The following EPM2A variants were observed in gnomAD, a reference collection of about 807,000 sequenced individuals.
EPM2A encodes the protein laforin.
EPM2A carries 21 observed loss-of-function variants against 26.5 expected under a neutral mutation model. The ratio of observed to expected loss-of-function variants is 0.79; its 90% CI spans 0.56 to 1.14. The LOEUF is 1.14. EPM2A is among the 50% of genes most tolerant of loss of function. The probability of loss-of-function intolerance (pLI) is 0.00; values close to 1 mark genes in which losing one functional copy is unlikely to be tolerated. For synonymous variants in EPM2A, 217 were observed against 177.6 expected, an observed-to-expected ratio of 1.22 and a Z score of -1.76; for missense variants, 458 against 440.8, an observed-to-expected ratio of 1.04 and a Z score of -0.35.
At chr6:145,553,614 A>T (rs919954814) in intron 2 of EPM2A, among the ~76,000 whole-genome samples, 3 of 151,886 alleles carry the variant, frequency 2.0e-5, no homozygotes, top group South Asian at 2.1e-4. Context: ...CTGCTCATCA[A>T]TCAGAGCTAG....
intron 4 of EPM2A, among the ~76,000 whole-genome samples, chr6:145,429,262 T>C (rs1778891073): frequency 6.6e-6 from 1 of 152,212 alleles, no homozygotes; most frequent in Non-Finnish European, 1.5e-5. Flanking sequence ...TTTCATATTA[T>C]ACTTATTTTA....
intron 2 of EPM2A, among the ~76,000 whole-genome samples, chr6:145,519,642 G>A (rs1780177480): frequency 6.6e-6 from 1 of 152,152 alleles, no homozygotes; most frequent in African/African-American, 2.4e-5. Context: ...ACCACAGAGG[G>A]GAGCCACAGT....
intron 1 of EPM2A, among the ~76,000 whole-genome samples, chr6:145,690,049 A>G (rs536064430): frequency 6.6e-6 from 1 of 151,986 alleles, no homozygotes; most frequent in East Asian, 1.9e-4. Context: ...GGGAGCTATC[A>G]ATGGAGGCCT....
intron 3 of EPM2A, chr6:145,627,963 C>A: frequency 4.0e-6 from 2 of 494,700 alleles, no homozygotes; most frequent in South Asian, 5.6e-5. Context: ...GCCATCCATG[C>A]AAATATCCCT....
intron 4 of EPM2A, among the ~76,000 whole-genome samples, chr6:145,446,482 A>C (rs1295404479): frequency 6.6e-6 from 1 of 152,192 alleles, no homozygotes; most frequent in Non-Finnish European, 1.5e-5. Flanking sequence ...ATCATACATG[A>C]AAAGTTGTGG....
chr6:145,506,936 G>T (rs1779984260), intron 2 of EPM2A, among the ~76,000 whole-genome samples: 1 of 152,180 alleles, frequency 6.6e-6, no homozygotes, highest in Admixed American at 6.5e-5. Flanking sequence ...TGAACACCAT[G>T]GAGAGCATCT....
Position 145,639,743 on chromosome 6 carries a change from T to C in EPM2A, c.477-4257A>G, listed in dbSNP as rs570976802. On this transcript the variant is annotated intron_variant, in intron 2 of 3. Coordinates refer to ENST00000367519, the MANE Select transcript of EPM2A (RefSeq NM_005670.4). ...AGAAATTATTTGTTATGAGAGACAA[T>C]GTATATCCATGTGTTTAATGCACAG... is the stretch of plus-strand genomic sequence containing the variant. 6 of 152,254 alleles carry C rather than the reference T, an allele frequency of 3.9e-5. No individual in the cohort carries two copies. In the East Asian group the frequency reaches 9.6e-4, roughly 24 times the overall value. The allele number at this position is 152,254 out of a possible 1,614,324, so 9.4% of individuals were successfully genotyped here. A position where few individuals can be genotyped will look rare whatever the true frequency, so the allele number is the denominator to read the frequency against.
At chr6:145,642,725 C>T (rs1353335966) in intron 2 of EPM2A, among the ~76,000 whole-genome samples, 3 of 152,088 alleles carry the variant, frequency 2.0e-5, no homozygotes, top group African/African-American at 7.2e-5. Flanking sequence ...GAGGCAGATA[C>T]CCAAAGTCCT....
At chr6:145,722,765 C>T in intron 1 of EPM2A, 1 of 453,270 alleles carries the variant, frequency 2.2e-6, no homozygotes, top group Non-Finnish European at 4.4e-6. Flanking sequence ...AGGGGTGGCC[C>T]CAATCCAATA....
chr6:145,629,324 C>A (rs571255062), intron 3 of EPM2A: 1 of 152,254 alleles, frequency 6.6e-6, no homozygotes, highest in Admixed American at 6.5e-5. Context: ...GAACCATGAA[C>A]TTTAACCCAT....
At chr6:145,616,027 A>G (rs531223875) in intron 2 of EPM2A, among the ~76,000 whole-genome samples, 2 of 152,370 alleles carry the variant, frequency 1.3e-5, no homozygotes, top group East Asian at 1.9e-4. Context: ...AGAAATTTGC[A>G]TAAGTAATGA....
chr6:145,405,453 A>G (rs1408983726), intron 4 of EPM2A, among the ~76,000 whole-genome samples: 1 of 152,162 alleles, frequency 6.6e-6, no homozygotes, highest in Non-Finnish European at 1.5e-5. Flanking sequence ...GACACCCTAG[A>G]GTTAAATATA....
At position 145,625,442 on chromosome 6, in the gene EPM2A, A is replaced by C; in HGVS notation, c.*1974T>G. The C allele has an allele frequency of 2.1e-6, 1 of 475,282 alleles. No homozygotes were observed. The highest frequency in any genetic ancestry group is 3.8e-6 in the Non-Finnish European group (1 of 266,156). 29.4% of individuals were successfully genotyped at this position (475,282 alleles called of 1,614,324 possible). A position where few individuals can be genotyped will look rare whatever the true frequency, so the allele number is the denominator to read the frequency against. Reference sequence around the variant, plus strand: ...AAACTGATTTTGTCTATCAGAGCAAAAGGAACAAAGGTAAAAATCCACCTG... The same window carrying C: ...AAACTGATTTTGTCTATCAGAGCAACAGGAACAAAGGTAAAAATCCACCTG... On this transcript the variant is annotated 3_prime_UTR_variant, in exon 4 of 4. Coordinates refer to ENST00000367519, the MANE Select transcript of EPM2A (RefSeq NM_005670.4).
At position 145,490,589 on chromosome 6, in the gene EPM2A, A is replaced by G. The variant is rs187532467; in HGVS notation, c.555+11933T>C. 1.6e-5 allele frequency: 11 copies of G among 686,020 alleles called. No homozygotes were observed. The Admixed American group carries it at 1.8e-4, about 11-fold the overall frequency. 42.5% of individuals were successfully genotyped at this position (686,020 alleles called of 1,614,324 possible). A position where few individuals can be genotyped will look rare whatever the true frequency, so the allele number is the denominator to read the frequency against. ...ACTCCACCTTCTTCAAGATGGTAAC[A>G]ATTTAGGTGCTGTTTCCATGTGCTC... is the stretch of plus-strand genomic sequence containing the variant. On this transcript the variant is annotated intron_variant, in intron 4 of 4. Coordinates refer to the EPM2A transcript ENST00000638717.
chr6:145,629,275 C>A (rs879323289), intron 3 of EPM2A: 10 of 152,242 alleles, frequency 6.6e-5, no homozygotes, highest in Non-Finnish European at 1.0e-4. Context: ...ATTAGAGTTA[C>A]CAGCTTCTAT....
At chr6:145,662,776 G>A (rs1778822968) in intron 2 of EPM2A, among the ~76,000 whole-genome samples, 1 of 152,176 alleles carries the variant, frequency 6.6e-6, no homozygotes. Flanking sequence ...CAGATATCAA[G>A]GATGGGGTTC....
At chr6:145,551,868 T>C (rs562163280) in intron 2 of EPM2A, among the ~76,000 whole-genome samples, 1 of 152,058 alleles carries the variant, frequency 6.6e-6, no homozygotes, top group African/African-American at 2.4e-5. Context: ...AAACTTTTTT[T>C]TTTTTGTAAA....
chr6:145,601,400 G>A (rs1318985827), intron 2 of EPM2A, among the ~76,000 whole-genome samples: 1 of 152,162 alleles, frequency 6.6e-6, no homozygotes, highest in Admixed American at 6.5e-5. Context: ...GAACGTGACA[G>A]TGGTGGTAGT....
At chr6:145,605,527 C>G (rs2128550963) in intron 2 of EPM2A, among the ~76,000 whole-genome samples, 1 of 152,160 alleles carries the variant, frequency 6.6e-6, no homozygotes, top group Non-Finnish European at 1.5e-5. Context: ...CATTCAATCG[C>G]AGGAAAATGT....
Sources: gnomAD v4.1 joint callset for allele counts (sites outside exome capture counted in the v4.1 genomes callset) on GRCh38, gnomAD v4.1.1 for gene constraint, MANE v1.5 for transcripts, NCBI Gene and HGNC (gene_info 2026-07-23, HGNC 2026-07-21) for gene names.